The following ZBTB7C variants were observed in gnomAD, a reference collection of about 807,000 sequenced individuals.
ZBTB7C encodes zinc finger and BTB domain-containing protein 7C.
ZBTB7C carries 8 observed loss-of-function variants against 25.7 expected under a neutral mutation model. The observed-to-expected ratio is 0.31, with a 90% CI of 0.18 to 0.56. The LOEUF is 0.56. ZBTB7C is among the 20% of genes least tolerant of loss of function. ZBTB7C has a pLI of 0.91. For missense variants in ZBTB7C, 824 were observed against 855.2 expected, an observed-to-expected ratio of 0.96 and a Z score of 0.46; for synonymous variants, 394 against 369.0, an observed-to-expected ratio of 1.07 and a Z score of -0.78.
chr18:48,193,401 G>T (rs2042244427), intron 2 of ZBTB7C, among the ~76,000 whole-genome samples: 1 of 152,074 alleles, frequency 6.6e-6, no homozygotes, highest in African/African-American at 2.4e-5. Flanking sequence ...CCCAACACCA[G>T]ATATAGTAGG....
intron 2 of ZBTB7C, among the ~76,000 whole-genome samples, chr18:48,300,001 C>A (rs9946507): frequency 6.6e-6 from 1 of 152,176 alleles, no homozygotes; most frequent in Admixed American, 6.5e-5. Context: ...CCCCTGGGGC[C>A]TTGTTAGTAT....
intron 3 of ZBTB7C, among the ~76,000 whole-genome samples, chr18:48,126,268 G>T (rs1454457597): frequency 6.6e-6 from 1 of 152,188 alleles, no homozygotes; most frequent in African/African-American, 2.4e-5. Context: ...AGCAGACCAG[G>T]ATTTTGTCAT....
chr18:48,368,987 A>G (rs1568405722), intron 1 of ZBTB7C, among the ~76,000 whole-genome samples: 1 of 152,372 alleles, frequency 6.6e-6, no homozygotes, highest in East Asian at 1.9e-4. Context: ...ACCTTAGGAC[A>G]AGAGGAGGGA....
chr18:48,092,533 TACAA>T (rs2038458841), intron 3 of ZBTB7C, among the ~76,000 whole-genome samples: 4 of 152,306 alleles, frequency 2.6e-5, no homozygotes, highest in African/African-American at 9.6e-5. Flanking sequence ...GAGGAGATAA[TACAA>T]TATTGGAAAG....
intron 1 of ZBTB7C, among the ~76,000 whole-genome samples, chr18:48,359,808 G>A (rs1052691165): frequency 6.6e-6 from 1 of 152,238 alleles, no homozygotes; most frequent in African/African-American, 2.4e-5. Flanking sequence ...GGAGGGCAGT[G>A]CAGAAGGGAG....
intron 1 of ZBTB7C, among the ~76,000 whole-genome samples, chr18:48,344,254 G>C (rs911896793): frequency 6.6e-6 from 1 of 152,240 alleles, no homozygotes; most frequent in Non-Finnish European, 1.5e-5. Flanking sequence ...AAAGTGATGG[G>C]ATTATAGGCG....
At chr18:48,093,225 C>G (rs1223386526) in intron 3 of ZBTB7C, among the ~76,000 whole-genome samples, 1 of 152,192 alleles carries the variant, frequency 6.6e-6, no homozygotes, top group African/African-American at 2.4e-5. Flanking sequence ...GAGATGCCAC[C>G]TGATGTGGTG....
chr18:48,109,895 T>TA (rs1470317548), intron 3 of ZBTB7C, among the ~76,000 whole-genome samples: 7 of 152,194 alleles, frequency 4.6e-5, no homozygotes, highest in Non-Finnish European at 1.0e-4. Context: ...CACTTCTCTC[T>TA]AGCACTCCCA....
chr18:48,325,866 T>C (rs1420594386), intron 2 of ZBTB7C, among the ~76,000 whole-genome samples: 3 of 152,128 alleles, frequency 2.0e-5, no homozygotes, highest in Non-Finnish European at 4.4e-5. Context: ...CTTTGACTAG[T>C]GTAGGCCATG....
intron 2 of ZBTB7C, among the ~76,000 whole-genome samples, chr18:48,257,184 C>A (rs1366985017): frequency 6.6e-6 from 1 of 151,830 alleles, no homozygotes; most frequent in Admixed American, 6.6e-5. Context: ...GAAAAGAAAG[C>A]TAGACTAGTT....
intron 2 of ZBTB7C, among the ~76,000 whole-genome samples, chr18:48,301,617 T>C (rs967101334): frequency 7.2e-5 from 11 of 152,278 alleles, no homozygotes; most frequent in Middle Eastern, 3.4e-3. Flanking sequence ...CTAGCCAACA[T>C]AGTGAGCCTA....
At position 48,039,970 on chromosome 18, in the gene ZBTB7C, GCAGCTT is replaced by G; in HGVS notation, c.1132_1137del (p.Lys378_Leu379del). ...CCGGTATGGGTCCTCATGTGCCGCG[GCAGCTT>G]CCCGGCCCCCATGATGACTTTGTGG... On this transcript the variant is annotated inframe_deletion, in exon 4 of 5. Transcript: ENST00000590800. 1 of 1,614,008 alleles carries G rather than the reference GCAGCTT, an allele frequency of 6.2e-7. No individual in the cohort carries two copies. The highest frequency in any genetic ancestry group is 8.5e-7 in the Non-Finnish European group (1 of 1,180,036).
intron 3 of ZBTB7C, among the ~76,000 whole-genome samples, chr18:48,061,087 T>C (rs1254564226): frequency 6.6e-6 from 1 of 152,090 alleles, no homozygotes; most frequent in Non-Finnish European, 1.5e-5. Context: ...TACCACGCAG[T>C]GAGCAAGGCA....
intron 3 of ZBTB7C, among the ~76,000 whole-genome samples, chr18:48,120,509 T>C (rs1337050427): frequency 6.6e-6 from 1 of 151,954 alleles, no homozygotes; most frequent in Non-Finnish European, 1.5e-5. Context: ...GTAGTCCCAG[T>C]TGAATCAGAA....
At chr18:48,046,186 AATAG>A (rs1212236796) in intron 3 of ZBTB7C, among the ~76,000 whole-genome samples, 1 of 152,268 alleles carries the variant, frequency 6.6e-6, no homozygotes, top group Non-Finnish European at 1.5e-5. Context: ...GTTATGCAGT[AATAG>A]ATAATAATCC....
intron 1 of ZBTB7C, among the ~76,000 whole-genome samples, chr18:48,347,124 GTTTT>G (rs1158209713): frequency 8.7e-5 from 7 of 80,506 alleles, no homozygotes; most frequent in East Asian, 4.4e-4. Context: ...GTTTTTGTTT[GTTTT>G]TTTTTTTTTT....
rs2036576563 is a variant in ZBTB7C at position 48,048,880 on chromosome 18, G to C, written c.-16-7757C>G. Among the ~76,000 whole-genome samples the C allele has an allele frequency of 1.3e-5, 2 of 152,154 alleles. 1 individual carries two copies. Among genetic ancestry groups the C allele is most frequent in the South Asian group, 4.1e-4 (2 of 4,824 alleles). The stretch of plus-strand genomic sequence containing the variant: ...GTCTCAGGTACTTCTAACCCAAAGA[G>C]CTTGGCAAGGCTGGTACAAATTTTA... On this transcript the variant is annotated intron_variant, in intron 3 of 4. Transcript: ENST00000590800.
intron 1 of ZBTB7C, among the ~76,000 whole-genome samples, chr18:48,338,915 G>A (rs569567494): frequency 2.0e-5 from 3 of 151,912 alleles, no homozygotes; most frequent in Non-Finnish European, 4.4e-5. Flanking sequence ...GTTTGTTGGG[G>A]GGGGGGGGTC....
chr18:48,161,173 A>G (rs1598997441), intron 3 of ZBTB7C, among the ~76,000 whole-genome samples: 2 of 140,842 alleles, frequency 1.4e-5, no homozygotes, highest in African/African-American at 5.3e-5. Context: ...TGGGGGAGGG[A>G]GGGCCTCCTG....
Sources: allele counts gnomAD v4.1 joint callset (sites outside exome capture counted in the v4.1 genomes callset), GRCh38; gene constraint gnomAD v4.1.1; transcripts MANE v1.5; gene names NCBI Gene and HGNC (gene_info 2026-07-23, HGNC 2026-07-21).